The following PTPN13 variants were observed in gnomAD, a reference collection of about 807,000 sequenced individuals.
PTPN13 encodes tyrosine-protein phosphatase non-receptor type 13.
A neutral mutation model predicts 284.0 loss-of-function variants in PTPN13; 191 were observed. The ratio of observed to expected loss-of-function variants is 0.67; its 90% CI spans 0.60 to 0.76. PTPN13 has a LOEUF of 0.76. Among genes scored for constraint, PTPN13 ranks in the 30% least tolerant of loss-of-function variants. The probability of loss-of-function intolerance (pLI) is 0.00; values close to 1 mark genes in which losing one functional copy is unlikely to be tolerated. For missense variants in PTPN13, 2,797 were observed against 2,939.9 expected (o/e 0.95, Z 1.12); for synonymous variants, 986 against 1,022.3 (o/e 0.96, Z 0.68).
chr4:86,761,368 T>A (rs953819423), intron 23 of PTPN13, among the ~76,000 whole-genome samples: 1 of 152,020 alleles, frequency 6.6e-6, no homozygotes. Flanking sequence ...TTAGCTATAA[T>A]TCTATTATAA....
At chr4:86,620,973 C>G (rs1473614680) in intron 1 of PTPN13, among the ~76,000 whole-genome samples, 1 of 152,190 alleles carries the variant, frequency 6.6e-6, no homozygotes, top group Non-Finnish European at 1.5e-5. Flanking sequence ...AAGACTCACT[C>G]TGCTATTTTT....
At chr4:86,812,333 A>AG in intron 47 of PTPN13, among the ~76,000 whole-genome samples, 1 of 147,110 alleles carries the variant, frequency 6.8e-6, no homozygotes, top group Non-Finnish European at 1.5e-5. Context: ...AAAAAAAAAA[A>AG]GGAACTCTTC....
In PTPN13 at chr4:86,728,311, T is replaced by C. The variant is rs1360286671; in HGVS notation, c.1609-4089T>C. ...ATTCTGTTGATTTGGGGTGGTGAGTTCTGGATATGTCTATTAGGTCCACTT... is the reference window on the plus strand; with the variant it reads ...ATTCTGTTGATTTGGGGTGGTGAGTCCTGGATATGTCTATTAGGTCCACTT... On this transcript the variant is annotated intron_variant, in intron 10 of 47. Coordinates refer to ENST00000411767, the MANE Select transcript of PTPN13 (RefSeq NM_080683.3). 1.3e-5 allele frequency among the ~76,000 whole-genome samples: 2 copies of C among 149,454 alleles called. 1 individual carries two copies. The highest frequency in any genetic ancestry group is 3.0e-5 in the Non-Finnish European group (2 of 66,616).
At chr4:86,600,807 A>G (rs906422927) in intron 1 of PTPN13, among the ~76,000 whole-genome samples, 1 of 152,030 alleles carries the variant, frequency 6.6e-6, no homozygotes, top group African/African-American at 2.4e-5. Context: ...TATTTAGGGG[A>G]TGATTATTTT....
chr4:86,764,158 A>G (rs959074334), intron 24 of PTPN13, among the ~76,000 whole-genome samples: 2 of 152,152 alleles, frequency 1.3e-5, no homozygotes, highest in Admixed American at 6.6e-5. Context: ...TGCTTGATAT[A>G]TATTGATTAT....
chr4:86,729,710 C>T (rs1734722733), intron 10 of PTPN13, among the ~76,000 whole-genome samples: 1 of 149,736 alleles, frequency 6.7e-6, no homozygotes, highest in Non-Finnish European at 1.5e-5. Flanking sequence ...AAGGTCTTCT[C>T]TACACTGTTT....
intron 28 of PTPN13, among the ~76,000 whole-genome samples, chr4:86,768,870 C>A (rs1018461904): frequency 1.3e-5 from 2 of 151,810 alleles, no homozygotes; most frequent in African/African-American, 2.4e-5. Context: ...CTGCCACATG[C>A]GGCTAATTTT....
chr4:86,775,193 A>G lies in PTPN13; in HGVS notation c.5531A>G (p.Asn1844Ser). 6.8e-6 allele frequency: 11 copies of G among 1,607,528 alleles called. No homozygotes were observed. Among genetic ancestry groups the G allele is most frequent in the Non-Finnish European group, 9.3e-6 (11 of 1,177,946 alleles). The change falls in exon 34 of 48, where the codon AAT becomes AGT. Residue 1844 changes from asparagine (N) to serine (S), a missense_variant. Asn to Ser is a conservative substitution (Grantham distance 46). Coordinates refer to ENST00000411767, the MANE Select transcript of PTPN13 (RefSeq NM_080683.3). ...LIKVNDTDVTNMTHTDAVNLL... is the reference protein window; with the variant it reads ...LIKVNDTDVTSMTHTDAVNLL... The stretch of plus-strand genomic sequence containing the variant: ...TAGGTTAATGATACAGATGTTACTA[A>G]TATGACTCATACAGATGCAGTTAAT...
chr4:86,684,122 C>A (rs1729192554), intron 3 of PTPN13, among the ~76,000 whole-genome samples: 1 of 150,986 alleles, frequency 6.6e-6, no homozygotes, highest in Non-Finnish European at 1.5e-5. Context: ...AAAGCTGTTT[C>A]CCTCAAGGAG....
chr4:86,631,992 G>A (rs1358243886), intron 1 of PTPN13, among the ~76,000 whole-genome samples: 3 of 151,918 alleles, frequency 2.0e-5, no homozygotes, highest in African/African-American at 7.3e-5. Flanking sequence ...GTTTTACAAT[G>A]GGATACATAA....
chr4:86,802,987 T>TC (rs1208190535), intron 42 of PTPN13, among the ~76,000 whole-genome samples: 4 of 151,640 alleles, frequency 2.6e-5, no homozygotes, highest in Non-Finnish European at 4.4e-5. Context: ...GGTGGGAGGA[T>TC]CGCCTGAGAC....
intron 1 of PTPN13, among the ~76,000 whole-genome samples, chr4:86,607,811 T>G (rs1764920006): frequency 6.6e-6 from 1 of 152,080 alleles, no homozygotes. Flanking sequence ...AGCTTTTCTT[T>G]TTTCAAGGTC....
chr4:86,722,271 G>A lies in PTPN13; in HGVS notation c.1445G>A (p.Arg482Gln), dbSNP rs781154444. The change falls in exon 10 of 48, where the codon CGG becomes CAG. Residue 482 changes from arginine (R) to glutamine (Q), a missense_variant. By Grantham distance (43) the Arg-to-Gln change is conservative. Coordinates refer to ENST00000411767, the MANE Select transcript of PTPN13 (RefSeq NM_080683.3). ...ATTAATCAAGAGATCATGCTAAAAC[G>A]GCAAGAGGAAGAACTGATGCAGCTA... ...NLINQEIMLKRQEEELMQLQA... is the reference protein window; with the variant it reads ...NLINQEIMLKQQEEELMQLQA... The A allele has an allele frequency of 2.0e-5, 32 of 1,613,478 alleles. No individual in the cohort carries two copies. Among genetic ancestry groups the A allele is most frequent in the Non-Finnish European group, 2.5e-5 (29 of 1,179,776 alleles).
rs778346630 is a variant in PTPN13 at position 86,814,462 on chromosome 4, T to C, written c.7369T>C (p.Tyr2457His). ...RHGMVQTEDQ[Y>H]IFCYQVILYV... The stretch of plus-strand genomic sequence containing the variant: ...TCACTTTTTTTGGCCATAGGATCAA[T>C]ATATTTTCTGCTATCAAGTCATCCT... Residue 2457 changes from tyrosine (Y) to histidine (H), a missense_variant, in exon 48 of 48, where the codon TAT becomes CAT. By Grantham distance (83) the Tyr-to-His change is moderately conservative. Transcript: ENST00000411767. 6.2e-7 allele frequency: 1 copy of C among 1,608,988 alleles called. No individual in the cohort carries two copies. The highest frequency in any genetic ancestry group is 8.5e-7 in the Non-Finnish European group (1 of 1,175,948).
chr4:86,764,126 A>G (rs558844567), intron 24 of PTPN13, among the ~76,000 whole-genome samples: 3 of 152,306 alleles, frequency 2.0e-5, no homozygotes, highest in African/African-American at 7.2e-5. Context: ...ATCCCATTTT[A>G]GAGGCTTGGG....
At chr4:86,744,093 T>C (rs1273482947) in intron 16 of PTPN13, among the ~76,000 whole-genome samples, 1 of 152,134 alleles carries the variant, frequency 6.6e-6, no homozygotes, top group African/African-American at 2.4e-5. Context: ...ATTTGATGAT[T>C]CTCCTACTTT....
chr4:86,620,102 A>T (rs1165646830), intron 1 of PTPN13, among the ~76,000 whole-genome samples: 2 of 152,220 alleles, frequency 1.3e-5, no homozygotes, highest in African/African-American at 4.8e-5. Flanking sequence ...ATATTAAATA[A>T]GGACATTTGG....
rs34543988 is a variant in PTPN13, at chr4:86,693,071, T to TAAAAAAA, written c.547-500_547-494dup. Among the ~76,000 whole-genome samples, 217 of 112,292 alleles carry TAAAAAAA rather than the reference T, an allele frequency of 1.9e-3. 2 individuals are homozygous for TAAAAAAA. The highest frequency in any genetic ancestry group is 5.1e-3 in the African/African-American group (153 of 30,098). 73.7% of individuals were successfully genotyped at this position (112,292 alleles called of 152,430 possible). A position where few individuals can be genotyped will look rare whatever the true frequency, so the allele number is the denominator to read the frequency against. ...TGACAGAGTGAGACTCCGTTATATT[T>TAAAAAAA]AAAAAAAAAAAAAAAAAAAAAAGAC... On this transcript the variant is annotated intron_variant, in intron 5 of 47. Transcript: ENST00000411767.
intron 1 of PTPN13, among the ~76,000 whole-genome samples, chr4:86,621,083 T>G (rs1388481354): frequency 6.6e-6 from 1 of 152,178 alleles, no homozygotes; most frequent in East Asian, 1.9e-4. Context: ...GTGCTTCCAG[T>G]TTCTCACTCG....
Sources: allele counts gnomAD v4.1 joint callset (sites outside exome capture counted in the v4.1 genomes callset), GRCh38; gene constraint gnomAD v4.1.1; transcripts MANE v1.5; gene names NCBI Gene and HGNC (gene_info 2026-07-23, HGNC 2026-07-21).